NKAIN3: variants seen among roughly 807,000 people sequenced by gnomAD.
The protein encoded by NKAIN3 is sodium/potassium-transporting ATPase subunit beta-1-interacting protein 3.
In NKAIN3, 25 loss-of-function variants were observed where a neutral mutation model predicts 30.2. That is an observed-to-expected ratio of 0.83 (90% CI 0.60 to 1.16). The LOEUF (loss-of-function observed/expected upper bound fraction) is 1.16. Among genes scored for constraint, NKAIN3 ranks in the 50% most tolerant of loss-of-function variants. The pLI is 0.00. For missense variants in NKAIN3, 225 were observed against 254.1 expected (o/e 0.89, Z 0.78); for synonymous variants, 91 against 89.6 (o/e 1.02, Z -0.09).
intron 3 of NKAIN3, among the ~76,000 whole-genome samples, chr8:62,734,988 T>C (rs572463356): frequency 6.6e-6 from 1 of 152,348 alleles, no homozygotes; most frequent in Admixed American, 6.5e-5. Context: ...ATGATTGGTT[T>C]TTCTTTCTAG....
chr8:62,662,492 C>A (rs1812976813), intron 3 of NKAIN3, among the ~76,000 whole-genome samples: 1 of 152,196 alleles, frequency 6.6e-6, no homozygotes, highest in Non-Finnish European at 1.5e-5. Context: ...TTTAGCAATT[C>A]TTGCTTATTA....
intron 4 of NKAIN3, among the ~76,000 whole-genome samples, chr8:62,851,899 A>G (rs1215584103): frequency 6.6e-6 from 1 of 152,092 alleles, no homozygotes; most frequent in African/African-American, 2.4e-5. Flanking sequence ...TTCATCAGGG[A>G]TATTGGTCTA....
chr8:62,606,228 T>C (rs920443283), intron 3 of NKAIN3, among the ~76,000 whole-genome samples: 1 of 152,060 alleles, frequency 6.6e-6, no homozygotes, highest in Non-Finnish European at 1.5e-5. Context: ...GGTGATCCTG[T>C]AGGGTCATGC....
At chr8:62,661,547 C>T (rs16929379) in intron 3 of NKAIN3, among the ~76,000 whole-genome samples, 5,848 of 152,314 alleles carry the variant, frequency 0.038, 175 homozygotes, top group African/African-American at 0.083. Flanking sequence ...TCCAGATCAT[C>T]TCTACTGGGT....
At chr8:62,664,927 C>T (rs75272857) in intron 3 of NKAIN3, among the ~76,000 whole-genome samples, 19,763 of 152,168 alleles carry the variant, frequency 0.13, 1,442 homozygotes, top group East Asian at 0.32. Flanking sequence ...GATGAGCTTA[C>T]GCTGACGACA....
At chr8:62,921,747 T>A (rs879449961) in intron 5 of NKAIN3, among the ~76,000 whole-genome samples, 2 of 152,212 alleles carry the variant, frequency 1.3e-5, no homozygotes, top group East Asian at 3.8e-4. Flanking sequence ...AACACTTTCA[T>A]GAGACTAGAA....
intron 1 of NKAIN3, among the ~76,000 whole-genome samples, chr8:62,325,437 A>G (rs905440282): frequency 6.6e-6 from 1 of 152,118 alleles, no homozygotes; most frequent in Non-Finnish European, 1.5e-5. Flanking sequence ...GTGCTGCTAT[A>G]AACATGCATG....
chr8:62,626,586 G>C (rs764201352), intron 3 of NKAIN3, among the ~76,000 whole-genome samples: 1 of 152,032 alleles, frequency 6.6e-6, no homozygotes. Context: ...GGGGCTTTGG[G>C]GACAGACTCC....
At chr8:62,716,755 C>A (rs868791315) in intron 3 of NKAIN3, among the ~76,000 whole-genome samples, 3 of 149,648 alleles carry the variant, frequency 2.0e-5, no homozygotes, top group African/African-American at 2.5e-5. Flanking sequence ...AAAAAAAAAA[C>A]AAACAAAACA....
chr8:62,801,883 C>A (rs909950645), intron 4 of NKAIN3, among the ~76,000 whole-genome samples: 5 of 152,034 alleles, frequency 3.3e-5, no homozygotes, highest in African/African-American at 1.2e-4. Context: ...AAAATTTAGA[C>A]GAATGTATAA....
intron 3 of NKAIN3, among the ~76,000 whole-genome samples, chr8:62,679,227 T>C (rs1813575302): frequency 6.6e-6 from 1 of 152,160 alleles, no homozygotes; most frequent in African/African-American, 2.4e-5. Context: ...TCACTAAAAA[T>C]GGGAACCTTG....
chr8:62,872,986 A>C (rs1255352056), intron 4 of NKAIN3, among the ~76,000 whole-genome samples: 1 of 152,230 alleles, frequency 6.6e-6, no homozygotes, highest in African/African-American at 2.4e-5. Context: ...TAGCATCATA[A>C]TGACAGGATC....
At chr8:62,911,305 A>G (rs1821919556) in intron 4 of NKAIN3, among the ~76,000 whole-genome samples, 1 of 152,152 alleles carries the variant, frequency 6.6e-6, no homozygotes, top group African/African-American at 2.4e-5. Context: ...CCTCTCACCT[A>G]TATGCATGAA....
chr8:62,931,251 T>G (rs1822612493), intron 5 of NKAIN3, among the ~76,000 whole-genome samples: 3 of 152,226 alleles, frequency 2.0e-5, no homozygotes, highest in African/African-American at 7.2e-5. Context: ...TTTATAACAT[T>G]ACACAAATTT....
intron 4 of NKAIN3, among the ~76,000 whole-genome samples, chr8:62,790,304 A>C (rs1166776930): frequency 6.6e-6 from 1 of 152,160 alleles, no homozygotes; most frequent in Non-Finnish European, 1.5e-5. Context: ...TGTTGATGGG[A>C]TGTATCTCAA....
rs944764959 is a variant in NKAIN3 at position 62,560,694 on chromosome 8, C to T, written c.55-18845C>T. Among the ~76,000 whole-genome samples the T allele has an allele frequency of 2.4e-4, 36 of 151,656 alleles. 1 individual carries two copies. Among genetic ancestry groups the T allele is most frequent in the Admixed American group, 2.4e-3 (36 of 15,224 alleles). On this transcript the variant is annotated intron_variant, in intron 1 of 6. Coordinates refer to ENST00000623646, the MANE Select transcript of NKAIN3 (RefSeq NM_001304533.3). The stretch of plus-strand genomic sequence containing the variant: ...AGCTGAGATTACAGGCACCCACCAC[C>T]ACGCCTGGCTAATTTTTATATTTTT...
At chr8:62,322,319 C>T (rs1451760079) in intron 1 of NKAIN3, among the ~76,000 whole-genome samples, 11 of 152,080 alleles carry the variant, frequency 7.2e-5, no homozygotes, top group Admixed American at 7.2e-4. Context: ...ACGCTCGGTG[C>T]ACTGTACCCA....
At chr8:62,819,154 T>TATATATATATATATAC (rs1184020630) in intron 4 of NKAIN3, among the ~76,000 whole-genome samples, 4 of 32,712 alleles carry the variant, frequency 1.2e-4, no homozygotes, top group African/African-American at 2.3e-4. Context: ...TATATATACA[T>TATATATATATATATAC]ATATATATAT....
At chr8:62,464,653 G>A (rs939807618) in intron 1 of NKAIN3, among the ~76,000 whole-genome samples, 5 of 152,100 alleles carry the variant, frequency 3.3e-5, no homozygotes, top group Non-Finnish European at 4.4e-5. Context: ...AAAGTCTCCC[G>A]TGATGGGTCA....
Sources: allele counts gnomAD v4.1 joint callset (sites outside exome capture counted in the v4.1 genomes callset), GRCh38; gene constraint gnomAD v4.1.1; transcripts MANE v1.5; gene names NCBI Gene and HGNC (gene_info 2026-07-23, HGNC 2026-07-21).